Variants in ACSL1 observed in about 807,000 individuals in gnomAD.
ACSL1 encodes the protein long-chain-fatty-acid--CoA ligase 1.
Under a neutral mutation model 98.4 loss-of-function variants are expected in ACSL1, and 41 were observed. The observed-to-expected ratio is 0.42, with a 90% CI of 0.32 to 0.54. The LOEUF is 0.54. ACSL1 is among the 20% of genes least tolerant of loss of function. The pLI is 0.13. For synonymous variants in ACSL1, 316 were observed against 322.7 expected (o/e 0.98, Z 0.22); for missense variants, 734 against 883.1 (o/e 0.83, Z 2.14).
intron 1 of ACSL1, among the ~76,000 whole-genome samples, chr4:184,818,658 GA>G (rs1772820288): frequency 6.6e-6 from 1 of 152,168 alleles, no homozygotes. Context: ...AAACGCTGCT[GA>G]AAACACAGAG....
chr4:184,806,603 T>C (rs879043913), intron 1 of ACSL1, among the ~76,000 whole-genome samples: 72 of 152,242 alleles, frequency 4.7e-4, no homozygotes, highest in Admixed American at 1.3e-3. Flanking sequence ...GGGATTAATT[T>C]GTCTATTTTA....
chr4:184,818,958 G>A (rs907631993), intron 1 of ACSL1, among the ~76,000 whole-genome samples: 5 of 151,976 alleles, frequency 3.3e-5, no homozygotes, highest in Non-Finnish European at 7.4e-5. Flanking sequence ...AGCCAGGATG[G>A]GAGTATTTCG....
rs747067379 is a variant in ACSL1, at chr4:184,766,770, A to G, written c.1129-14T>C. 1 of 1,606,992 alleles carries G rather than the reference A, an allele frequency of 6.2e-7. No homozygotes were observed. Among genetic ancestry groups the G allele is most frequent in the Non-Finnish European group, 8.5e-7 (1 of 1,174,294 alleles). ...TTGTCCGAAAATCTAATGAGGCAAGACATGAGAAAGTTTTCACACCTACTA... is the reference window on the plus strand; with the variant it reads ...TTGTCCGAAAATCTAATGAGGCAAGGCATGAGAAAGTTTTCACACCTACTA... On this transcript the variant is annotated splice_polypyrimidine_tract_variant and intron_variant, in intron 12 of 20. Transcript: ENST00000281455. This position sits in a 1 kb window ranked among gnomAD's most constrained non-coding sequence, Gnocchi z 4.8.
chr4:184,805,070 C>A (rs898280521), intron 1 of ACSL1, among the ~76,000 whole-genome samples: 39 of 152,014 alleles, frequency 2.6e-4, no homozygotes, highest in Non-Finnish European at 2.1e-4. Context: ...AGAAAAAAAA[C>A]AAAAATTTAC....
chr4:184,791,243 G>A (rs898015365), intron 2 of ACSL1, among the ~76,000 whole-genome samples: 1 of 152,202 alleles, frequency 6.6e-6, no homozygotes, highest in African/African-American at 2.4e-5. Flanking sequence ...GCTGTGAATG[G>A]GCAGATGGGG....
intron 2 of ACSL1, among the ~76,000 whole-genome samples, chr4:184,799,912 A>C (rs1009557153): frequency 1.3e-4 from 20 of 152,106 alleles, no homozygotes; most frequent in Non-Finnish European, 1.3e-4. Context: ...CTGACTCTTC[A>C]TATTGATCTG....
At chr4:184,819,674 G>C (rs1008454743) in intron 1 of ACSL1, among the ~76,000 whole-genome samples, 4 of 152,072 alleles carry the variant, frequency 2.6e-5, no homozygotes, top group African/African-American at 4.8e-5. Context: ...GTTTGGAGAG[G>C]AGTGGAGATA....
intron 15 of ACSL1, among the ~76,000 whole-genome samples, chr4:184,763,595 T>C (rs1763167516): frequency 6.6e-6 from 1 of 152,200 alleles, no homozygotes; most frequent in South Asian, 2.1e-4. Flanking sequence ...CACCCATTAC[T>C]TGCACTCATC....
intron 2 of ACSL1, among the ~76,000 whole-genome samples, chr4:184,802,244 T>A (rs894865542): frequency 5.9e-5 from 9 of 152,222 alleles, no homozygotes; most frequent in African/African-American, 1.4e-4. Context: ...TTCACATTAA[T>A]GAATCCAAGA....
At chr4:184,805,294 G>A (rs1372283429) in intron 1 of ACSL1, 1 of 166,384 alleles carries the variant, frequency 6.0e-6, no homozygotes, top group Non-Finnish European at 1.2e-5. Flanking sequence ...TAAATTTAAT[G>A]GTCTCTGTTT....
intron 5 of ACSL1, among the ~76,000 whole-genome samples, chr4:184,779,721 G>A (rs1048203762): frequency 1.3e-5 from 2 of 152,146 alleles, no homozygotes; most frequent in African/African-American, 4.8e-5. Flanking sequence ...CCACAGAGGT[G>A]ACTCTTAAAG....
chr4:184,788,581 C>T (rs377664336), intron 3 of ACSL1, 36 bp downstream of exon 3: 33 of 1,523,350 alleles, frequency 2.2e-5, no homozygotes, highest in African/African-American at 1.9e-4. Context: ...TGAAACACGG[C>T]GAGCGGGAGC....
In ACSL1 at chr4:184,764,895, T is replaced by C. The variant is rs745481028; in HGVS notation, c.1390A>G (p.Thr464Ala). The C allele has an allele frequency of 4.3e-6, 7 of 1,613,954 alleles. No homozygotes were observed. The African/African-American group carries it at 9.3e-5, about 22-fold the overall frequency. ...GGCATGGTCAGGCAGCACCCGGCAG[T>C]GCACTCTGTCTGTCCGTATCCTTCA... Reference protein sequence around the residue: ...FYEGYGQTECTAGCCLTMPGD... With the variant: ...FYEGYGQTECAAGCCLTMPGD... The change falls in exon 15 of 21, where the codon ACT (threonine) becomes GCT (alanine). Residue 464 changes from threonine (T) to alanine (A), a missense_variant. Coordinates refer to ENST00000281455, the MANE Select transcript of ACSL1 (RefSeq NM_001995.5).
At chr4:184,813,713 G>C (rs1004167296) in intron 1 of ACSL1, 1 of 388,784 alleles carries the variant, frequency 2.6e-6, no homozygotes, top group African/African-American at 2.1e-5. Context: ...CACCTTACTG[G>C]ACTCAGCTAA....
chr4:184,786,596 A>G (rs112556941), intron 3 of ACSL1, among the ~76,000 whole-genome samples: 2,469 of 152,276 alleles, frequency 0.016, 70 homozygotes, highest in African/African-American at 0.056. Context: ...CCTTTGTAAT[A>G]GGGCTTAATG....
intron 1 of ACSL1, chr4:184,808,652 C>A (rs1771728160): frequency 4.2e-6 from 1 of 237,976 alleles, no homozygotes; most frequent in Non-Finnish European, 6.8e-6. Context: ...AAGAGAGCAG[C>A]AGCCAGGCCA....
intron 1 of ACSL1, among the ~76,000 whole-genome samples, chr4:184,819,979 C>G (rs1318295911): frequency 6.6e-6 from 1 of 152,170 alleles, no homozygotes; most frequent in Non-Finnish European, 1.5e-5. Context: ...GAACTGCTGA[C>G]TGACTGGACT....
chr4:184,786,755 G>A (rs1446805129), intron 3 of ACSL1, among the ~76,000 whole-genome samples: 1 of 147,108 alleles, frequency 6.8e-6, no homozygotes, highest in Non-Finnish European at 1.5e-5. Context: ...GTACAATGGT[G>A]CAATCCTGGC....
At chr4:184,824,656 A>G (rs1047451072) in intron 1 of ACSL1, among the ~76,000 whole-genome samples, 11 of 152,168 alleles carry the variant, frequency 7.2e-5, no homozygotes, top group Non-Finnish European at 1.5e-4. Context: ...CAAGAAAGTA[A>G]GTCTCCCAAG....
Sources: allele counts gnomAD v4.1 joint callset (sites outside exome capture counted in the v4.1 genomes callset), GRCh38; gene constraint gnomAD v4.1.1; non-coding constraint Gnocchi (gnomAD v3.1); transcripts MANE v1.5; gene names NCBI Gene and HGNC (gene_info 2026-07-23, HGNC 2026-07-21).